MAST4: variants seen among roughly 807,000 people sequenced by gnomAD.
MAST4 encodes microtubule-associated serine/threonine-protein kinase 4.
A neutral mutation model predicts 162.7 loss-of-function variants in MAST4; 89 were observed. That is an observed-to-expected ratio of 0.55 (90% confidence interval 0.46 to 0.65). The LOEUF is 0.65. Ranked by LOEUF, MAST4 falls within the 30% of genes least tolerant of loss-of-function variation. MAST4 has a pLI of 0.00. For synonymous variants in MAST4, 1,479 were observed against 1,361.1 expected (o/e 1.09, Z -1.91); for missense variants, 3,153 against 3,374.0 (o/e 0.93, Z 1.62).
chr5:67,062,197 C>T (rs1759702864), intron 5 of MAST4, among the ~76,000 whole-genome samples: 1 of 152,058 alleles, frequency 6.6e-6, no homozygotes, highest in African/African-American at 2.4e-5. Context: ...GTTGGGAGAT[C>T]CAGACCATCC....
At chr5:67,043,729 A>T (rs1356612868) in intron 4 of MAST4, among the ~76,000 whole-genome samples, 1 of 152,204 alleles carries the variant, frequency 6.6e-6, no homozygotes, top group African/African-American at 2.4e-5. Context: ...AACAAAAAAC[A>T]ACTTGTTTAT....
intron 1 of MAST4, among the ~76,000 whole-genome samples, chr5:66,748,491 C>T (rs1395625231): frequency 1.4e-5 from 2 of 147,238 alleles, no homozygotes; most frequent in East Asian, 2.0e-4. Flanking sequence ...TCTTCCTTTT[C>T]TTCCTTTTCT....
chr5:67,041,852 C>T (rs1756783627), intron 4 of MAST4, among the ~76,000 whole-genome samples: 1 of 152,226 alleles, frequency 6.6e-6, no homozygotes, highest in South Asian at 2.1e-4. Flanking sequence ...TGGTCTCAAA[C>T]TCCTGACCTC....
chr5:67,141,807 C>T (rs1165081579), intron 19 of MAST4, among the ~76,000 whole-genome samples: 1 of 152,136 alleles, frequency 6.6e-6, no homozygotes. Flanking sequence ...ATCTACATCT[C>T]CAGGTTCAGC....
chr5:66,857,831 G>A (rs910846473), intron 3 of MAST4, among the ~76,000 whole-genome samples: 1 of 152,102 alleles, frequency 6.6e-6, no homozygotes, highest in Non-Finnish European at 1.5e-5. Context: ...TTGTCAAGTA[G>A]AGGACCGAAT....
intron 4 of MAST4, chr5:66,959,014 G>A (rs1164219371): frequency 2.2e-5 from 10 of 461,700 alleles, no homozygotes; most frequent in South Asian, 5.4e-5. Context: ...TGCAAGCCTC[G>A]TTCCTTTAAC....
intron 4 of MAST4, among the ~76,000 whole-genome samples, chr5:67,046,166 G>A (rs933048581): frequency 2.0e-5 from 3 of 152,060 alleles, no homozygotes; most frequent in Admixed American, 6.6e-5. Flanking sequence ...ATCTAGGTTT[G>A]TGTAAGCGCG....
chr5:66,667,425 T>C (rs1000927529), intron 1 of MAST4, among the ~76,000 whole-genome samples: 13 of 152,182 alleles, frequency 8.5e-5, no homozygotes, highest in Non-Finnish European at 1.6e-4. Flanking sequence ...TTTGTCTTGT[T>C]TTTCTTTTTC....
At chr5:67,088,734 G>A (rs542361667) in intron 5 of MAST4, among the ~76,000 whole-genome samples, 1 of 152,296 alleles carries the variant, frequency 6.6e-6, no homozygotes, top group Admixed American at 6.5e-5. Context: ...TTTCATTGCA[G>A]CAGGGGGAAA....
At chr5:66,783,959 C>T (rs1240474490) in intron 2 of MAST4, among the ~76,000 whole-genome samples, 1 of 152,088 alleles carries the variant, frequency 6.6e-6, no homozygotes, top group African/African-American at 2.4e-5. Context: ...AGGGTCCTAG[C>T]TTATGAATTT....
chr5:66,721,221 C>G (rs1400367944), intron 1 of MAST4, among the ~76,000 whole-genome samples: 4 of 152,152 alleles, frequency 2.6e-5, no homozygotes, highest in Non-Finnish European at 5.9e-5. Flanking sequence ...TTTTATTGCT[C>G]TGCTGTGCAG....
At chr5:66,807,665 C>T (rs1756264725) in intron 3 of MAST4, among the ~76,000 whole-genome samples, 1 of 152,184 alleles carries the variant, frequency 6.6e-6, no homozygotes, top group Non-Finnish European at 1.5e-5. Context: ...CTGTGCCCCA[C>T]TTTCCCTGCA....
At chr5:66,911,840 G>C (rs1763799215) in intron 4 of MAST4, among the ~76,000 whole-genome samples, 1 of 152,112 alleles carries the variant, frequency 6.6e-6, no homozygotes, top group Non-Finnish European at 1.5e-5. Context: ...TCCTTTATCA[G>C]AAAATGCTAA....
At chr5:66,842,527 G>T (rs1758503286) in intron 3 of MAST4, among the ~76,000 whole-genome samples, 1 of 151,392 alleles carries the variant, frequency 6.6e-6, no homozygotes, top group African/African-American at 2.4e-5. Context: ...GACCACATTA[G>T]CTGGTAGCTC....
chr5:66,597,182 C>A (rs146026010), intron 1 of MAST4, among the ~76,000 whole-genome samples, 164 bp downstream of exon 1: 3 of 152,182 alleles, frequency 2.0e-5, no homozygotes, highest in East Asian at 1.9e-4. Context: ...TAGGAGCCCC[C>A]CTGTGGGTTA....
At chr5:67,046,367 G>A (rs969155092) in intron 4 of MAST4, among the ~76,000 whole-genome samples, 2 of 152,062 alleles carry the variant, frequency 1.3e-5, no homozygotes, top group Admixed American at 1.3e-4. Context: ...ACTGTTTATT[G>A]TTTATGAAAA....
chr5:66,696,173 G>A (rs1246147886), intron 1 of MAST4, among the ~76,000 whole-genome samples: 1 of 152,118 alleles, frequency 6.6e-6, no homozygotes, highest in Non-Finnish European at 1.5e-5. Context: ...GGGATATGGA[G>A]GGGAAAAACA....
chr5:66,846,692 G>A (rs932368768), intron 3 of MAST4, among the ~76,000 whole-genome samples: 1 of 152,120 alleles, frequency 6.6e-6, no homozygotes, highest in African/African-American at 2.4e-5. Flanking sequence ...TTGGTATATG[G>A]AGAGTCAGGC....
At chr5:67,077,740 T>G (rs1761831221) in intron 5 of MAST4, among the ~76,000 whole-genome samples, 1 of 152,244 alleles carries the variant, frequency 6.6e-6, no homozygotes, top group South Asian at 2.1e-4. Flanking sequence ...TAAGCCAGAC[T>G]GCTATCTTGC....
Sources: allele counts gnomAD v4.1 joint callset (sites outside exome capture counted in the v4.1 genomes callset), GRCh38; gene constraint gnomAD v4.1.1; transcripts MANE v1.5; gene names NCBI Gene and HGNC (gene_info 2026-07-23, HGNC 2026-07-21).